Variants in OVCH1 observed in about 807,000 individuals in gnomAD.
OVCH1 encodes the protein ovochymase-1.
In OVCH1, 139 loss-of-function variants were observed where a neutral mutation model predicts 138.4. The ratio of observed to expected loss-of-function variants is 1.00; its 90% confidence interval spans 0.87 to 1.16. OVCH1 has a LOEUF of 1.16. Among genes scored for constraint, OVCH1 ranks in the 50% most tolerant of loss-of-function variants. The pLI is 0.00. For missense variants in OVCH1, 1,367 were observed against 1,357.9 expected (o/e 1.01, Z -0.11); for synonymous variants, 453 against 467.8 (o/e 0.97, Z 0.41).
At chr12:29,462,233 TAAAAC>T (rs2135975134) in intron 18 of OVCH1, among the ~76,000 whole-genome samples, 1 of 152,244 alleles carries the variant, frequency 6.6e-6, no homozygotes, top group African/African-American at 2.4e-5. Flanking sequence ...GGCAGGAGAA[TAAAAC>T]CAGAAACACT....
exon 22 of OVCH1, chr12:29,451,550 C>T (rs1314470282): frequency 1.2e-6 from 2 of 1,611,274 alleles, no homozygotes; most frequent in East Asian, 2.2e-5. Flanking sequence ...GCTTTTCTAG[C>T]TCTGCTTCAG....
chr12:29,477,693 T>G (rs1942790051), intron 9 of OVCH1: 1 of 1,246,528 alleles, frequency 8.0e-7, no homozygotes. Flanking sequence ...CAAATTCTAC[T>G]TATTCTTCAG....
At chr12:29,472,937 A>G in intron 15 of OVCH1, 92 bp downstream of exon 15, 1 of 1,092,420 alleles carries the variant, frequency 9.2e-7, no homozygotes, top group South Asian at 1.5e-5. Context: ...CTGTGGAGTT[A>G]TAGCCAATGT....
chr12:29,463,298 C>T (rs1057465321), intron 18 of OVCH1, among the ~76,000 whole-genome samples: 18 of 151,936 alleles, frequency 1.2e-4, no homozygotes, highest in Non-Finnish European at 2.1e-4. Context: ...ATGTGGGCCA[C>T]GAAAGGAAGT....
intron 19 of OVCH1, among the ~76,000 whole-genome samples, chr12:29,458,718 A>C (rs752781113): frequency 2.6e-5 from 4 of 152,192 alleles, no homozygotes; most frequent in Non-Finnish European, 5.9e-5. Flanking sequence ...AGAATGGGAA[A>C]AATTTCTGCA....
chr12:29,416,228 G>A (rs953817893), intron 3 of OVCH1, among the ~76,000 whole-genome samples: 1 of 151,770 alleles, frequency 6.6e-6, no homozygotes, highest in African/African-American at 2.4e-5. Context: ...TTTAGGAAGA[G>A]CAAAGGAAAA....
intron 6 of OVCH1, among the ~76,000 whole-genome samples, chr12:29,488,971 A>G (rs3825233): frequency 0.4 from 61,519 of 152,006 alleles, 12,733 homozygotes; most frequent in East Asian, 0.55. Flanking sequence ...AGATAATTTC[A>G]GAGAGCTTCC....
At chr12:29,416,265 A>C (rs1941029993) in intron 3 of OVCH1, among the ~76,000 whole-genome samples, 1 of 152,168 alleles carries the variant, frequency 6.6e-6, no homozygotes, top group Admixed American at 6.5e-5. Flanking sequence ...AAGAATACTT[A>C]GACTTGACAC....
At chr12:29,408,386 A>T (rs1187195934), downstream of OVCH1, among the ~76,000 whole-genome samples, 4 of 110,064 alleles carry the variant, frequency 3.6e-5, no homozygotes, top group Admixed American at 2.1e-4. Flanking sequence ...GTCTTGTGCC[A>T]GTTTTCAAAG....
intron 8 of OVCH1, among the ~76,000 whole-genome samples, chr12:29,483,543 A>C (rs143705812): frequency 2.6e-5 from 4 of 152,280 alleles, no homozygotes; most frequent in Admixed American, 6.5e-5. Flanking sequence ...CATAAGGTCT[A>C]ATCTCTCTGC....
Position 29,487,683 on chromosome 12 carries a change from A to G in OVCH1, c.892+10T>C. The G allele has an allele frequency of 6.3e-7, 1 of 1,578,746 alleles. No homozygotes were observed. Among genetic ancestry groups the G allele is most frequent in the Non-Finnish European group, 8.6e-7 (1 of 1,159,456 alleles). On this transcript the variant is annotated intron_variant, in intron 7 of 27. Coordinates refer to ENST00000318184, the Ensembl canonical transcript of OVCH1. ...GTTAGGATGAGATGAGGAAGAAAGA[A>G]TTCACCTACCTGTGAACAGGTTTTG...
rs185093736 is a variant in OVCH1, at chr12:29,491,439, T to C, written c.455-247A>G. 1.7e-3 allele frequency among the ~76,000 whole-genome samples: 266 copies of C among 152,312 alleles called. 1 individual carries two copies. The highest frequency in any genetic ancestry group is 6.2e-3 in the African/African-American group (256 of 41,572). On this transcript the variant is annotated intron_variant, in intron 4 of 27. Coordinates refer to ENST00000318184, the Ensembl canonical transcript of OVCH1. ...TCCGCACACCACGAGCCCCCTAATG[T>C]ACTAACATTTTAGACTATGCCTGTG...
intron 16 of OVCH1, among the ~76,000 whole-genome samples, chr12:29,470,027 T>G (rs1323532639): frequency 6.6e-6 from 1 of 152,182 alleles, no homozygotes; most frequent in Non-Finnish European, 1.5e-5. Context: ...CACAGCCACA[T>G]GGCTTACTCT....
At chr12:29,480,597 C>T (rs1190663780) in intron 8 of OVCH1, among the ~76,000 whole-genome samples, 1 of 152,178 alleles carries the variant, frequency 6.6e-6, no homozygotes, top group Non-Finnish European at 1.5e-5. Flanking sequence ...TTCAAATAAT[C>T]TATGGAGCAT....
intron 22 of OVCH1, among the ~76,000 whole-genome samples, chr12:29,445,822 G>T (rs1392897013): frequency 2.6e-5 from 4 of 151,946 alleles, no homozygotes; most frequent in Non-Finnish European, 4.4e-5. Context: ...TTTATTGATT[G>T]CTTTGAGAAC....
Position 29,475,112 on chromosome 12 carries a change from CA to C in OVCH1, c.1548del (p.Asp516GlufsTer21), listed in dbSNP as rs1422547603. ...TTGAAGCCTTGTAAACGATTTTTACCATCACTTTTAAAGTATATCACCGTCA... is the reference window on the plus strand; with the variant it reads ...TTGAAGCCTTGTAAACGATTTTTACCTCACTTTTAAAGTATATCACCGTCA... On this transcript the variant is annotated frameshift_variant, in exon 14 of 28. Transcript: ENST00000318184. LOFTEE classifies it high-confidence loss of function. The C allele has an allele frequency of 3.8e-6, 6 of 1,576,444 alleles. No homozygotes were observed. In the Admixed American group the frequency reaches 1.1e-4, roughly 29 times the overall value.
chr12:29,486,930 C>G (rs939820399), intron 7 of OVCH1: 47 of 455,606 alleles, frequency 1.0e-4, no homozygotes, highest in Non-Finnish European at 2.0e-4. Context: ...GAACTGCTCC[C>G]CTGCAGTGGA....
At chr12:29,442,322 G>A (rs1181571700) in intron 25 of OVCH1, among the ~76,000 whole-genome samples, 1 of 150,018 alleles carries the variant, frequency 6.7e-6, no homozygotes, top group Non-Finnish European at 1.5e-5. Context: ...GTCCTTTGTA[G>A]GGACATGGAT....
At chr12:29,426,339 T>C (rs1270039337), downstream of OVCH1, among the ~76,000 whole-genome samples, 1 of 152,206 alleles carries the variant, frequency 6.6e-6, no homozygotes, top group Non-Finnish European at 1.5e-5. Context: ...ACATTAGTTT[T>C]AGTTTGTTTT....
Sources: allele counts gnomAD v4.1 joint callset (sites outside exome capture counted in the v4.1 genomes callset), GRCh38; gene constraint gnomAD v4.1.1; transcripts MANE v1.5; gene names NCBI Gene and HGNC (gene_info 2026-07-23, HGNC 2026-07-21).